RALA: variants seen among roughly 807,000 people sequenced by gnomAD.
RALA encodes ras-related protein Ral-A.
A neutral mutation model predicts 24.0 loss-of-function variants in RALA; 5 were observed. The observed-to-expected ratio is 0.21, with a 90% confidence interval of 0.11 to 0.44. The LOEUF (loss-of-function observed/expected upper bound fraction) is 0.44. Among genes scored for constraint, RALA ranks in the 20% least tolerant of loss-of-function variants. The pLI is 0.99. For synonymous variants in RALA, 77 were observed against 83.8 expected (o/e 0.92, Z 0.44); for missense variants, 95 against 241.2 (o/e 0.39, Z 4.01).
chr7:39,649,555 G>A (rs1791986163), intron 1 of RALA, among the ~76,000 whole-genome samples: 1 of 152,130 alleles, frequency 6.6e-6, no homozygotes, highest in South Asian at 2.1e-4. Context: ...CACAGCATTC[G>A]TCCCCGCTGG....
chr7:39,693,810 G>A (rs1271034839), intron 3 of RALA, among the ~76,000 whole-genome samples: 1 of 152,162 alleles, frequency 6.6e-6, no homozygotes, highest in African/African-American at 2.4e-5. Flanking sequence ...CAGATACCGT[G>A]CTTGTTTGAC....
At chr7:39,656,064 C>T (rs977162617) in intron 1 of RALA, among the ~76,000 whole-genome samples, 2 of 152,126 alleles carry the variant, frequency 1.3e-5, no homozygotes, top group Admixed American at 6.6e-5. Context: ...GCATCAGTCC[C>T]TTTGGTGTTT....
At chr7:39,674,463 G>C (rs1009144763) in intron 1 of RALA, among the ~76,000 whole-genome samples, 1 of 152,054 alleles carries the variant, frequency 6.6e-6, no homozygotes, top group African/African-American at 2.4e-5. Flanking sequence ...TAATGTGCTA[G>C]ATTCTATCTG....
At position 39,704,150 on chromosome 7, in the gene RALA, A is replaced by G. The variant is rs1262816748; in HGVS notation, c.499-1973A>G. ...CATCCCACTCCAGCCTGGGCAACAG[A>G]GACTCTCTCAAAAAAAAAAAAAAAA... On this transcript the variant is annotated intron_variant, in intron 4 of 4. Transcript: ENST00000005257. Among the ~76,000 whole-genome samples the G allele has an allele frequency of 1.3e-4, 15 of 111,478 alleles. No individual in the cohort carries two copies. The Admixed American group carries it at 1.3e-3, about 10-fold the overall frequency. 73.1% of individuals were successfully genotyped at this position (111,478 alleles called of 152,430 possible). A position where few individuals can be genotyped will look rare whatever the true frequency, so the allele number is the denominator to read the frequency against.
intron 1 of RALA, among the ~76,000 whole-genome samples, chr7:39,644,245 T>TAA (rs1376727527): frequency 6.6e-6 from 1 of 152,050 alleles, no homozygotes; most frequent in African/African-American, 2.4e-5. Flanking sequence ...TTAAGTGTAA[T>TAA]AAGATACTCA....
At chr7:39,656,104 A>G (rs1174767195) in intron 1 of RALA, among the ~76,000 whole-genome samples, 3 of 152,126 alleles carry the variant, frequency 2.0e-5, no homozygotes, top group Non-Finnish European at 4.4e-5. Flanking sequence ...TTGTAGTGGC[A>G]GAGTCAAAAC....
intron 4 of RALA, among the ~76,000 whole-genome samples, chr7:39,702,508 A>G (rs1443086262): frequency 6.6e-6 from 1 of 152,232 alleles, no homozygotes; most frequent in Non-Finnish European, 1.5e-5. Context: ...TTAAAACCAC[A>G]AAGTATTCCA....
chr7:39,686,641 A>G lies in RALA; in HGVS notation c.-27A>G. 6.5e-7 allele frequency: 1 copy of G among 1,527,778 alleles called. No homozygotes were observed. Among genetic ancestry groups the G allele is most frequent in the Non-Finnish European group, 9.1e-7 (1 of 1,101,458 alleles). 94.6% of individuals were successfully genotyped at this position (1,527,778 alleles called of 1,614,324 possible). A position where few individuals can be genotyped will look rare whatever the true frequency, so the allele number is the denominator to read the frequency against. The stretch of plus-strand genomic sequence containing the variant: ...TTTCATTCTTCTTAGATTCTTCTTA[A>G]TCCTTTGGTGAAAACTGAGACACAA... On this transcript the variant is annotated 5_prime_UTR_variant, in exon 2 of 5. Transcript: ENST00000005257.
intron 1 of RALA, among the ~76,000 whole-genome samples, chr7:39,644,908 G>A (rs1791899135): frequency 6.6e-6 from 1 of 152,070 alleles, no homozygotes; most frequent in Non-Finnish European, 1.5e-5. Flanking sequence ...GAAATTTTAG[G>A]TACTTCATTT....
chr7:39,668,579 A>G (rs1332546099), intron 1 of RALA, among the ~76,000 whole-genome samples: 1 of 151,954 alleles, frequency 6.6e-6, no homozygotes, highest in Admixed American at 6.6e-5. Flanking sequence ...TGGGTGGATC[A>G]CCTGAGATCG....
intron 1 of RALA, among the ~76,000 whole-genome samples, chr7:39,644,203 T>TG (rs1791887415): frequency 6.9e-6 from 1 of 144,190 alleles, no homozygotes; most frequent in Non-Finnish European, 1.5e-5. Context: ...ATTCCTATGT[T>TG]TTTTTTTTTT....
chr7:39,634,288 C>G (rs994143445), intron 1 of RALA, among the ~76,000 whole-genome samples: 7 of 152,054 alleles, frequency 4.6e-5, no homozygotes, highest in African/African-American at 1.7e-4. Context: ...TTCCTGTGAC[C>G]CATGTCACCT....
At chr7:39,682,409 A>C (rs1452432036) in intron 1 of RALA, among the ~76,000 whole-genome samples, 1 of 152,134 alleles carries the variant, frequency 6.6e-6, no homozygotes, top group Non-Finnish European at 1.5e-5. Flanking sequence ...TCCACTGTCC[A>C]TTCTCTACAC....
At chr7:39,695,966 C>G (rs1298271436) in intron 3 of RALA, among the ~76,000 whole-genome samples, 2 of 152,172 alleles carry the variant, frequency 1.3e-5, no homozygotes, top group Non-Finnish European at 2.9e-5. Context: ...GTTATAAGCA[C>G]TTCACATTTA....
chr7:39,637,771 A>G (rs1301560301), intron 1 of RALA, among the ~76,000 whole-genome samples: 1 of 152,218 alleles, frequency 6.6e-6, no homozygotes, highest in Non-Finnish European at 1.5e-5. Context: ...AACATAGTGT[A>G]TTGAATGCCT....
Position 39,655,039 on chromosome 7 carries a change from A to C in RALA, c.-38+31214A>C, listed in dbSNP as rs1044370366. On this transcript the variant is annotated intron_variant, in intron 1 of 4. Coordinates refer to ENST00000005257, the MANE Select transcript of RALA (RefSeq NM_005402.4). ...GCTGGGATTATAGTCATGAGCCACC[A>C]CGCCCAGCCTCTAAATTCTTTTTTT... Among the ~76,000 whole-genome samples, 9 of 152,308 alleles carry C rather than the reference A, an allele frequency of 5.9e-5. 1 individual carries two copies. The South Asian group carries it at 6.2e-4, about 11-fold the overall frequency.
chr7:39,703,220 T>G (rs1793059191), intron 4 of RALA: 1 of 152,234 alleles, frequency 6.6e-6, no homozygotes, highest in Non-Finnish European at 1.5e-5. Context: ...CTGGGAGTAT[T>G]CCAATAATTA....
At chr7:39,699,456 C>T (rs2088925256) in intron 4 of RALA, among the ~76,000 whole-genome samples, 1 of 152,130 alleles carries the variant, frequency 6.6e-6, no homozygotes, top group Non-Finnish European at 1.5e-5. Flanking sequence ...TGTTATTATA[C>T]AGAACAAATT....
In RALA at chr7:39,707,804, T is replaced by C. The variant is rs1389916428; in HGVS notation, c.*1559T>C. Reference sequence around the variant, plus strand: ...TCCAGCTTCTCATGTTAAATATTTGTCCTTAAAGGGTTTGAGATGTACATC... The same window carrying C: ...TCCAGCTTCTCATGTTAAATATTTGCCCTTAAAGGGTTTGAGATGTACATC... On this transcript the variant is annotated 3_prime_UTR_variant, in exon 5 of 5. Coordinates refer to ENST00000005257, the MANE Select transcript of RALA (RefSeq NM_005402.4). 1 of 152,678 alleles carries C rather than the reference T, an allele frequency of 6.5e-6. No homozygotes were observed. Among genetic ancestry groups the C allele is most frequent in the Non-Finnish European group, 1.5e-5 (1 of 68,044 alleles). 9.5% of individuals were successfully genotyped at this position (152,678 alleles called of 1,614,324 possible). A position where few individuals can be genotyped will look rare whatever the true frequency, so the allele number is the denominator to read the frequency against.
Sources: allele counts gnomAD v4.1 joint callset (sites outside exome capture counted in the v4.1 genomes callset), GRCh38; gene constraint gnomAD v4.1.1; transcripts MANE v1.5; gene names NCBI Gene and HGNC (gene_info 2026-07-23, HGNC 2026-07-21).